CES3: variants seen among roughly 807,000 people sequenced by gnomAD.
CES3 encodes carboxylesterase 3, also known as carboxylesterase 3 (brain).
In CES3, 49 loss-of-function variants were observed where a neutral mutation model predicts 57.6. That is an observed-to-expected ratio of 0.85 (90% confidence interval 0.68 to 1.08). The LOEUF (loss-of-function observed/expected upper bound fraction) is 1.08. Ranked by LOEUF, CES3 falls within the 50% of genes least tolerant of loss-of-function variation. CES3 has a pLI of 0.00. For missense variants in CES3, 645 were observed against 742.0 expected, an observed-to-expected ratio of 0.87 and a Z score of 1.52; for synonymous variants, 266 against 281.6, an observed-to-expected ratio of 0.94 and a Z score of 0.55.
Position 66,973,006 on chromosome 16 carries a change from G to A in CES3, c.1673G>A (p.Trp558Ter), listed in dbSNP as rs1026284679. ...SETLPSKIQQ[W>*]HQKQKNRKAQ... ...ACGCTCCCCAGCAAGATACAACAGT[G>A]GCACCAGAAGCAGAAGAACAGGAAG... Residue 558 changes from tryptophan (W) to a stop codon, truncating the protein, a stop_gained, in exon 13 of 13, where the codon TGG becomes TAG. Coordinates refer to ENST00000303334, the MANE Select transcript of CES3 (RefSeq NM_024922.6). LOFTEE classifies it high-confidence loss of function. 2.3e-5 allele frequency: 37 copies of A among 1,613,932 alleles called. No individual in the cohort carries two copies. The highest frequency in any genetic ancestry group is 3.1e-5 in the Non-Finnish European group (36 of 1,180,038).
chr16:66,969,006 G>T (rs1963784676), intron 8 of CES3, among the ~76,000 whole-genome samples: 1 of 152,240 alleles, frequency 6.6e-6, no homozygotes, highest in Admixed American at 6.5e-5. Flanking sequence ...AGTTGTATGA[G>T]TGAAACCAAG....
intron 10 of CES3, among the ~76,000 whole-genome samples, chr16:66,972,005 T>G (rs1231751148): frequency 6.6e-6 from 1 of 152,024 alleles, no homozygotes; most frequent in Non-Finnish European, 1.5e-5. Context: ...GGCATGGTGG[T>G]ACACACCTGT....
At chr16:66,961,958 C>T (rs1017341435) in intron 1 of CES3, among the ~76,000 whole-genome samples, 21 of 152,132 alleles carry the variant, frequency 1.4e-4, no homozygotes, top group Non-Finnish European at 2.9e-4. Flanking sequence ...AAGGAGTTTG[C>T]TCGTAGTTCC....
chr16:66,968,936 G>A (rs1163231814), intron 8 of CES3, among the ~76,000 whole-genome samples: 2 of 151,984 alleles, frequency 1.3e-5, no homozygotes, highest in Non-Finnish European at 1.5e-5. Flanking sequence ...GCTTGTAAAA[G>A]TTTTCAGGTC....
chr16:66,962,970 G>A (rs1308926597), intron 1 of CES3: 1 of 702,184 alleles, frequency 1.4e-6, no homozygotes, highest in African/African-American at 1.7e-5. Flanking sequence ...GGCAGGCCCG[G>A]TCTGGCCTGG....
In CES3 at chr16:66,963,212, C is replaced by T. The variant is rs372083161; in HGVS notation, c.116C>T (p.Thr39Ile). 2.1e-5 allele frequency: 34 copies of T among 1,614,150 alleles called. No individual in the cohort carries two copies. Among genetic ancestry groups the T allele is most frequent in the Admixed American group, 3.3e-5 (2 of 60,014 alleles). The change falls in exon 2 of 13, where the codon ACC (threonine) becomes ATC (isoleucine). Residue 39 changes from threonine (T) to isoleucine (I), a missense_variant. By Grantham distance (89) the Thr-to-Ile change is moderately conservative. Transcript: ENST00000303334. This position sits in a 1 kb window ranked among gnomAD's most constrained non-coding sequence, Gnocchi z 4.9. The stretch of plus-strand genomic sequence containing the variant: ...GTTGCTCAGCCTGAAGTAGACACCA[C>T]CCTGGGTCGTGTGCGAGGCCGGCAG... ...PEVAQPEVDT[T>I]LGRVRGRQVG...
In CES3 at chr16:66,963,900, A is replaced by G. The variant is rs751186723; in HGVS notation, c.525A>G (p.Thr175=). 1.9e-6 allele frequency: 3 copies of G among 1,614,074 alleles called. No homozygotes were observed. The South Asian group carries it at 3.3e-5, about 18-fold the overall frequency. ...LAAYGDVVVV[T]VQYRLGVLGF... ...CCTATGGGGATGTGGTCGTGGTTACAGTCCAGTACCGCCTTGGGGTCCTTG... is the reference window on the plus strand; with the variant it reads ...CCTATGGGGATGTGGTCGTGGTTACGGTCCAGTACCGCCTTGGGGTCCTTG... The change falls in exon 4 of 13, where the codon ACA becomes ACG. Residue 175 remains threonine (T), a synonymous_variant. Transcript: ENST00000303334. The surrounding 1 kb of genome is among the most constrained non-coding windows in gnomAD (Gnocchi z 4.9).
intron 10 of CES3, among the ~76,000 whole-genome samples, chr16:66,971,577 C>T (rs1238782036): frequency 3.3e-5 from 5 of 152,204 alleles, no homozygotes; most frequent in Non-Finnish European, 7.3e-5. Flanking sequence ...CCCAGCAGGG[C>T]CTATCACTAA....
chr16:66,968,696 T>C (rs1053783017), intron 8 of CES3, among the ~76,000 whole-genome samples: 2 of 151,924 alleles, frequency 1.3e-5, no homozygotes, highest in Admixed American at 1.3e-4. Context: ...AGTGGGTCAC[T>C]TGAAGTCAGG....
rs188900518 is a variant in CES3 at position 66,964,226 on chromosome 16, C to T, written c.561-131C>T. 100 of 1,293,144 alleles carry T rather than the reference C, an allele frequency of 7.7e-5. No homozygotes were observed. The African/African-American group carries it at 1.4e-3, about 18-fold the overall frequency. 80.1% of individuals were successfully genotyped at this position (1,293,144 alleles called of 1,614,324 possible). A position where few individuals can be genotyped will look rare whatever the true frequency, so the allele number is the denominator to read the frequency against. ...AGCAACAGGCTGTGGAGATGCCAAC[C>T]ACGGCTCCCAGACAGGCCAGACCTG... On this transcript the variant is annotated intron_variant, in intron 4 of 12. Transcript: ENST00000303334.
Position 66,963,360 on chromosome 16 carries a change from G to C in CES3, c.264G>C (p.Arg88=). ...CAGCACAGCCCTGGGAGGGTGTGCG[G>C]GATGCCAGCACTGCGCCCCCAATGT... ...PHPAQPWEGV[R]DASTAPPMCL... Residue 88 remains arginine (R), a synonymous_variant, in exon 2 of 13, where the codon CGG becomes CGC. Transcript: ENST00000303334. This position sits in a 1 kb window ranked among gnomAD's most constrained non-coding sequence, Gnocchi z 4.9. 6.2e-7 allele frequency: 1 copy of C among 1,613,072 alleles called. No individual in the cohort carries two copies. Among genetic ancestry groups the C allele is most frequent in the Non-Finnish European group, 8.5e-7 (1 of 1,180,024 alleles).
In CES3 at chr16:66,972,719, C is replaced by T. The variant is rs113019529; in HGVS notation, c.1493C>T (p.Ala498Val). The change falls in exon 12 of 13, where the codon GCC (alanine) becomes GTC (valine). Residue 498 changes from alanine to valine, a missense_variant. Ala to Val is a moderately conservative substitution (Grantham distance 64). Transcript: ENST00000303334. ...AAGCAGCTAAGCCTCACCATGATGGCCCAGTGGACCCACTTTGCCCGGACA... is the reference window on the plus strand; with the variant it reads ...AAGCAGCTAAGCCTCACCATGATGGTCCAGTGGACCCACTTTGCCCGGACA... ...EEKQLSLTMM[A>V]QWTHFARTGD... 5.6e-6 allele frequency: 9 copies of T among 1,614,108 alleles called. No individual in the cohort carries two copies. The highest frequency in any genetic ancestry group is 4.0e-5 in the African/African-American group (3 of 74,936).
chr16:66,966,059 C>G (rs986810453), intron 6 of CES3, among the ~76,000 whole-genome samples, 185 bp from the exon 7 acceptor site: 1 of 152,090 alleles, frequency 6.6e-6, no homozygotes, highest in Non-Finnish European at 1.5e-5. Flanking sequence ...GCCCTTGGGA[C>G]CACCCAAGCT....
At chr16:66,962,296 C>T (rs1963662130) in intron 1 of CES3, among the ~76,000 whole-genome samples, 1 of 152,220 alleles carries the variant, frequency 6.6e-6, no homozygotes, top group Non-Finnish European at 1.5e-5. Context: ...AGATGCCTGC[C>T]AATTCCACCT....
At position 66,964,353 on chromosome 16, in the gene CES3, C is replaced by T; in HGVS notation, c.561-4C>T. ...ACTAACCGTTGCCCCAACACTGCCC[C>T]CAGCACTGGAGATGAGCATGCACCT... On this transcript the variant is annotated splice_polypyrimidine_tract_variant and splice_region_variant and intron_variant, in intron 4 of 12. Coordinates refer to ENST00000303334, the MANE Select transcript of CES3 (RefSeq NM_024922.6). The T allele has an allele frequency of 6.2e-7, 1 of 1,613,484 alleles. No individual in the cohort carries two copies. Among genetic ancestry groups the T allele is most frequent in the Non-Finnish European group, 8.5e-7 (1 of 1,179,872 alleles).
rs995313991 is a variant in CES3, at chr16:66,964,517, C to T, written c.714+7C>T. ...GAGCATCATCTCTGGCCTGGTAAGT[C>T]ACTATAGGGGGCTAGTGATGGTGGC... On this transcript the variant is annotated splice_region_variant and intron_variant, in intron 5 of 12. Coordinates refer to ENST00000303334, the MANE Select transcript of CES3 (RefSeq NM_024922.6). The T allele has an allele frequency of 1.2e-6, 2 of 1,613,776 alleles. No homozygotes were observed. The highest frequency in any genetic ancestry group is 2.7e-5 in the African/African-American group (2 of 74,894).
rs902524389 is a variant in CES3, at chr16:66,974,201, C to T, written c.*1152C>T. ...GCAGCACTTGAGGAGCCCTTCAACC[C>T]GCCGCTGCACTGTAGGAGCCCCTTT... is the stretch of plus-strand genomic sequence containing the variant. On this transcript the variant is annotated 3_prime_UTR_variant, in exon 13 of 13. Transcript: ENST00000303334. 2.6e-5 allele frequency: 4 copies of T among 152,850 alleles called. No individual in the cohort carries two copies. Among genetic ancestry groups the T allele is most frequent in the East Asian group, 1.9e-4 (1 of 5,198 alleles). 9.5% of individuals were successfully genotyped at this position (152,850 alleles called of 1,614,324 possible). A position where few individuals can be genotyped will look rare whatever the true frequency, so the allele number is the denominator to read the frequency against.
chr16:66,970,109 G>GTTT (rs369272818), intron 9 of CES3, among the ~76,000 whole-genome samples: 20 of 127,984 alleles, frequency 1.6e-4, no homozygotes, highest in African/African-American at 4.0e-4. Context: ...TCTTTTCTTT[G>GTTT]TTTTTTTTTT....
chr16:66,967,969 A>G (rs1963763008), intron 8 of CES3: 1 of 161,842 alleles, frequency 6.2e-6, no homozygotes, highest in South Asian at 2.0e-4. Flanking sequence ...CTGTTGCCCA[A>G]GCTGGTCTAG....
Sources: allele counts gnomAD v4.1 joint callset (sites outside exome capture counted in the v4.1 genomes callset), GRCh38; gene constraint gnomAD v4.1.1; non-coding constraint Gnocchi (gnomAD v3.1); transcripts MANE v1.5; gene names NCBI Gene and HGNC (gene_info 2026-07-23, HGNC 2026-07-21).